Variants in ABCA2 observed in about 807,000 individuals in gnomAD.
ABCA2 encodes ATP binding cassette subfamily A member 2, also known as ATP-binding cassette sub-family A member 2.
Under a neutral mutation model 262.8 loss-of-function variants are expected in ABCA2, and 84 were observed. That is an observed-to-expected ratio of 0.32 (90% CI 0.27 to 0.38). The LOEUF is 0.38. Ranked by LOEUF, ABCA2 falls within the 10% of genes least tolerant of loss-of-function variation. The probability of loss-of-function intolerance (pLI) is 1.00; values close to 1 mark genes in which losing one functional copy is unlikely to be tolerated. For missense variants in ABCA2, 2,662 were observed against 3,405.9 expected (o/e 0.78, Z 5.44); for synonymous variants, 1,696 against 1,502.9 (o/e 1.13, Z -2.97).
Position 137,009,039 on chromosome 9 carries a change from T to C in ABCA2, c.6842A>G (p.Tyr2281Cys), listed in dbSNP as rs750010365. Reference sequence around the variant, plus strand: ...GCTCTTGGTCCGCACCGTGATCATGTAGCCATCTCCAAACCTGGTGGGACA... The same window carrying C: ...GCTCTTGGTCCGCACCGTGATCATGCAGCCATCTCCAAACCTGGTGGGACA... Reference protein sequence around the residue: ...QHLKNRFGDGYMITVRTKSSQ... With the variant: ...QHLKNRFGDGCMITVRTKSSQ... Residue 2281 changes from tyrosine to cysteine, a missense_variant, in exon 46 of 49, where the codon TAC becomes TGC. By Grantham distance (194) the Tyr-to-Cys change is radical. Transcript: ENST00000341511. 1.9e-6 allele frequency: 3 copies of C among 1,607,670 alleles called. No individual in the cohort carries two copies. The highest frequency in any genetic ancestry group is 2.2e-5 in the East Asian group (1 of 44,872).
At chr9:137,022,530 C>A in intron 5 of ABCA2, 52 bp from the exon 6 acceptor site, 1 of 1,592,616 alleles carries the variant, frequency 6.3e-7, no homozygotes, top group Non-Finnish European at 8.6e-7. Flanking sequence ...TGGCAAGGTG[C>A]CCCCACATGC....
At chr9:137,010,932 T>G in intron 39 of ABCA2, 41 bp downstream of exon 39, 1 of 283,984 alleles carries the variant, frequency 3.5e-6, no homozygotes, top group Non-Finnish European at 6.3e-6. Context: ...AACCCATCCC[T>G]GCTCCCGCCC....
At chr9:137,022,032 G>GGGTGTGGCTCAGATGGC (rs760804405) in intron 6 of ABCA2, 31 bp from the exon 7 acceptor site, 2 of 1,352,708 alleles carry the variant, frequency 1.5e-6, no homozygotes, top group Admixed American at 2.1e-5. Context: ...GCTCAGATGG[G>GGGTGTGGCTCAGATGGC]GTGTGGGGGG....
At chr9:137,012,662 G>A (rs766527265) in intron 31 of ABCA2, 50 bp downstream of exon 31, 2 of 1,610,558 alleles carry the variant, frequency 1.2e-6, no homozygotes, top group Non-Finnish European at 1.7e-6. Context: ...GTTGAGACTA[G>A]GTGGCTGGTG....
rs113949396 is a variant in ABCA2, at chr9:137,020,684, G to T, written c.1265+10C>A. On this transcript the variant is annotated intron_variant, in intron 9 of 48. Coordinates refer to ENST00000341511, the MANE Select transcript of ABCA2 (RefSeq NM_001606.5). ...TCCTCCTCACCCCCATTCCCCTGCC[G>T]CCCACCTACCGGTTGTTGCCACACA... 1 of 1,598,118 alleles carries T rather than the reference G, an allele frequency of 6.3e-7. No homozygotes were observed. The highest frequency in any genetic ancestry group is 1.3e-5 in the African/African-American group (1 of 75,030).
chr9:137,026,984 G>A (rs953732541), intron 1 of ABCA2, among the ~76,000 whole-genome samples: 2 of 152,248 alleles, frequency 1.3e-5, no homozygotes, highest in African/African-American at 4.8e-5. Context: ...GCCAGCCATG[G>A]TGATGATGGC....
In ABCA2 at chr9:137,007,871, C is replaced by T. The variant is rs1033690186; in HGVS notation, c.*58G>A. 1.0e-5 allele frequency: 16 copies of T among 1,598,134 alleles called. No individual in the cohort carries two copies. In the East Asian group the frequency reaches 3.4e-4, roughly 34 times the overall value. On this transcript the variant is annotated 3_prime_UTR_variant, in exon 49 of 49. Coordinates refer to ENST00000341511, the MANE Select transcript of ABCA2 (RefSeq NM_001606.5). Reference sequence around the variant, plus strand: ...GGACTTCTGTCCCCATTGTTGAGTCCCTGGCCCAGCTCTGGGTGGTCAGTG... The same window carrying T: ...GGACTTCTGTCCCCATTGTTGAGTCTCTGGCCCAGCTCTGGGTGGTCAGTG...
chr9:137,027,241 G>A (rs1329016301), intron 1 of ABCA2, among the ~76,000 whole-genome samples: 1 of 152,212 alleles, frequency 6.6e-6, no homozygotes, highest in Non-Finnish European at 1.5e-5. Flanking sequence ...CTGGCCAGCT[G>A]GGGGTATGGC....
At chr9:137,012,405 C>G (rs1354842879) in intron 32 of ABCA2, 29 bp from the exon 33 acceptor site, 9 of 1,609,366 alleles carry the variant, frequency 5.6e-6, no homozygotes, top group Non-Finnish European at 7.6e-6. Context: ...ACAGAAAGGC[C>G]CCAGGACCTC....
intron 19 of ABCA2, 50 bp from the exon 20 acceptor site, chr9:137,016,788 A>G (rs750181835): frequency 1.3e-6 from 2 of 1,540,372 alleles, no homozygotes; most frequent in South Asian, 1.2e-5. Flanking sequence ...TGGGGTGACC[A>G]TCCACCACGT....
chr9:137,011,401 C>T lies in ABCA2; in HGVS notation c.5799+6G>A, dbSNP rs2131433517. 3 of 1,609,898 alleles carry T rather than the reference C, an allele frequency of 1.9e-6. No individual in the cohort carries two copies. The South Asian group carries it at 3.3e-5, about 18-fold the overall frequency. On this transcript the variant is annotated splice_donor_region_variant and intron_variant, in intron 37 of 48. Coordinates refer to ENST00000341511, the MANE Select transcript of ABCA2 (RefSeq NM_001606.5). The surrounding 1 kb of genome is among the most constrained non-coding windows in gnomAD (Gnocchi z 8.8). ...CGCCACCCCCACCATGTCGTCACCG[C>T]CCCACCTTGTCGTGCTCGAAGAGCT...
At position 137,014,755 on chromosome 9, in the gene ABCA2, G is replaced by A. The variant is rs1831194720; in HGVS notation, c.3938C>T (p.Thr1313Met). The A allele has an allele frequency of 1.9e-6, 3 of 1,600,424 alleles. No homozygotes were observed. Among genetic ancestry groups the A allele is most frequent in the African/African-American group, 1.3e-5 (1 of 74,874 alleles). The change falls in exon 26 of 49, where the codon ACG (threonine) becomes ATG (methionine). Residue 1313 changes from threonine (T) to methionine (M), a missense_variant. Thr to Met is a moderately conservative substitution (Grantham distance 81). Coordinates refer to ENST00000341511, the MANE Select transcript of ABCA2 (RefSeq NM_001606.5). The part of the protein sequence containing the change: ...LHLSSFGLMD[T>M]TLEEVFLKVS... Reference sequence around the variant, plus strand: ...CTTGAGGAACACTTCCTCCAGGGTCGTGTCCATCAGCCCGAAGCTGCTGAG... The same window carrying A: ...CTTGAGGAACACTTCCTCCAGGGTCATGTCCATCAGCCCGAAGCTGCTGAG...
intron 34 of ABCA2, 39 bp from the exon 35 acceptor site, chr9:137,012,057 G>T (rs1831067497): frequency 6.2e-7 from 1 of 1,612,374 alleles, no homozygotes; most frequent in Non-Finnish European, 8.5e-7. Context: ...GGCCGGGGCT[G>T]CAGTGCCCAC....
rs1273139628 is a variant in ABCA2, at chr9:137,016,941, A to G, written c.2737T>C (p.Tyr913His). 6 of 1,612,462 alleles carry G rather than the reference A, an allele frequency of 3.7e-6. No individual in the cohort carries two copies. Among genetic ancestry groups the G allele is most frequent in the Admixed American group, 1.7e-5 (1 of 60,002 alleles). ...DAVVYGILTW[Y>H]IEAVHPGMYG... ...GTACCTGGGTGCACAGCCTCAATGTACCACGTGAGGATGCCATAGACCACG... is the reference window on the plus strand; with the variant it reads ...GTACCTGGGTGCACAGCCTCAATGTGCCACGTGAGGATGCCATAGACCACG... The change falls in exon 19 of 49, where the codon TAC becomes CAC. Residue 913 changes from tyrosine (Y) to histidine (H), a missense_variant. By Grantham distance (83) the Tyr-to-His change is moderately conservative. Around this residue, in one of 12 missense-constraint regions of ABCA2, gnomAD observed 133 missense variants for 150.8 expected, o/e 0.88. Coordinates refer to ENST00000341511, the MANE Select transcript of ABCA2 (RefSeq NM_001606.5).
rs1831717041 is a variant in ABCA2, at chr9:137,028,034, C to A, written c.66+41G>T. 1 of 964,256 alleles carries A rather than the reference C, an allele frequency of 1.0e-6. No homozygotes were observed. Among genetic ancestry groups the A allele is most frequent in the East Asian group, 1.2e-4 (1 of 8,650 alleles). The allele number at this position is 964,256 out of a possible 1,614,324, so 59.7% of individuals were successfully genotyped here. A position where few individuals can be genotyped will look rare whatever the true frequency, so the allele number is the denominator to read the frequency against. ...GGAGCGCGCCTCTGGCCGCGGTGCG[C>A]GCGGCCTCGGGCTGAGGGCGGGCGC... On this transcript the variant is annotated intron_variant, in intron 1 of 48. Transcript: ENST00000341511. The surrounding 1 kb of genome is among the most constrained non-coding windows in gnomAD (Gnocchi z 6.9).
chr9:137,021,180 A>T lies in ABCA2; in HGVS notation c.898-119T>A. ...ACACAAGCTAGGGGTGCTGGGAGGG[A>T]GTCTGCAGCCTGGGTAACGGGAGCC... On this transcript the variant is annotated intron_variant, in intron 8 of 48. Transcript: ENST00000341511. The surrounding 1 kb of genome is among the most constrained non-coding windows in gnomAD (Gnocchi z 6.0). 7.2e-7 allele frequency: 1 copy of T among 1,392,842 alleles called. No individual in the cohort carries two copies. The highest frequency in any genetic ancestry group is 1.5e-5 in the South Asian group (1 of 67,030). 86.3% of individuals were successfully genotyped at this position (1,392,842 alleles called of 1,614,324 possible).
Position 137,014,910 on chromosome 9 carries a change from C to T in ABCA2, c.3882+3G>A, listed in dbSNP as rs1041600697. 6.3e-7 allele frequency: 1 copy of T among 1,575,462 alleles called. No individual in the cohort carries two copies. Among genetic ancestry groups the T allele is most frequent in the Non-Finnish European group, 8.6e-7 (1 of 1,157,652 alleles). On this transcript the variant is annotated splice_donor_region_variant and intron_variant, in intron 25 of 48. Coordinates refer to ENST00000341511, the MANE Select transcript of ABCA2 (RefSeq NM_001606.5). ...CTGCCCCCCGACCCGTGCGCCCTCA[C>T]ACCTGGAAGAGGCGCTCGAAAGCCC...
In ABCA2 at chr9:137,016,035, C is replaced by T. The variant is rs1434205319; in HGVS notation, c.3244G>A (p.Val1082Met). Residue 1082 changes from valine to methionine, a missense_variant, in exon 22 of 49, where the codon GTG becomes ATG. Around this residue, in one of 12 missense-constraint regions of ABCA2, gnomAD observed 180 missense variants for 307.3 expected, o/e 0.59. Transcript: ENST00000341511. ...GAGTAGAACCAGAGGTGTTCCTCCA[C>T]CGTGAGCCGGTCAAAGAGCACATTG... The part of the protein sequence containing the change: ...QHNVLFDRLT[V>M]EEHLWFYSRL... 3 of 1,612,656 alleles carry T rather than the reference C, an allele frequency of 1.9e-6. No homozygotes were observed. The Admixed American group carries it at 5.0e-5, about 27-fold the overall frequency.
chr9:137,018,962 G>A lies in ABCA2; in HGVS notation c.1663C>T (p.Leu555=). 1 of 1,613,032 alleles carries A rather than the reference G, an allele frequency of 6.2e-7. No homozygotes were observed. Among genetic ancestry groups the A allele is most frequent in the South Asian group, 1.1e-5 (1 of 91,086 alleles). The change falls in exon 12 of 49, where the codon CTG becomes TTG. Residue 555 remains leucine, a synonymous_variant. Coordinates refer to ENST00000341511, the MANE Select transcript of ABCA2 (RefSeq NM_001606.5). ...NFSLPSGMAL[L]QQLDTIDNAA... is the part of the protein sequence containing the mutation. ...TTGTCAATGGTATCCAGCTGCTGCAGGAGGGCCATGCCACTGGGCAGCGAG... is the reference window on the plus strand; with the variant it reads ...TTGTCAATGGTATCCAGCTGCTGCAAGAGGGCCATGCCACTGGGCAGCGAG...
Sources: gnomAD v4.1 joint callset for allele counts (sites outside exome capture counted in the v4.1 genomes callset) on GRCh38, gnomAD v4.1.1 for gene constraint, gnomAD v4.1.1 regional missense constraint, Gnocchi (gnomAD v3.1) non-coding constraint, MANE v1.5 for transcripts, NCBI Gene and HGNC (gene_info 2026-07-23, HGNC 2026-07-21) for gene names.